Variants in RAP1B observed in about 807,000 individuals in gnomAD.
The protein encoded by RAP1B is RAP1B, member of RAS oncogene family.
Under a neutral mutation model 27.5 loss-of-function variants are expected in RAP1B, and 1 was observed. The ratio of observed to expected loss-of-function variants is 0.04; its 90% CI spans 0.01 to 0.17. The LOEUF (loss-of-function observed/expected upper bound fraction) is 0.17. Ranked by LOEUF, RAP1B falls within the 10% of genes least tolerant of loss-of-function variation. RAP1B has a pLI of 1.00. For missense variants in RAP1B, 84 were observed against 214.8 expected (o/e 0.39, Z 3.81); for synonymous variants, 75 against 73.1 (o/e 1.03, Z -0.13).
intron 3 of RAP1B, chr12:68,650,697 TAAAGCAGACC>T (rs1273427497): frequency 7.1e-6 from 2 of 280,652 alleles, no homozygotes. Context: ...ACATAAACTT[TAAAGCAGACC>T]ATCCATTTCA....
intron 7 of RAP1B, among the ~76,000 whole-genome samples, chr12:68,658,079 A>G (rs4562077): frequency 0.052 from 7,955 of 152,276 alleles, 685 homozygotes; most frequent in African/African-American, 0.18. Flanking sequence ...GCCAATGATA[A>G]TGGTTTCCTC....
intron 6 of RAP1B, chr12:68,656,677 G>A (rs1303853759): frequency 3.5e-6 from 2 of 577,200 alleles, no homozygotes; most frequent in Non-Finnish European, 6.0e-6. Context: ...AGGAAGACTG[G>A]ACAGAAAATA....
intron 1 of RAP1B, 73 bp from the exon 2 acceptor site, chr12:68,648,624 ATG>A (rs1380561451): frequency 2.6e-6 from 3 of 1,155,064 alleles, no homozygotes; most frequent in Non-Finnish European, 3.7e-6. Context: ...ATTTTCCTGA[ATG>A]TTTTATTTCT....
intron 1 of RAP1B, among the ~76,000 whole-genome samples, chr12:68,637,115 A>G (rs2135942269): frequency 6.6e-6 from 1 of 152,340 alleles, no homozygotes; most frequent in African/African-American, 2.4e-5. Context: ...ATTTGCTGGA[A>G]ATGAATTATT....
chr12:68,616,394 C>T (rs1420745075), intron 1 of RAP1B, among the ~76,000 whole-genome samples: 1 of 151,532 alleles, frequency 6.6e-6, no homozygotes, highest in Non-Finnish European at 1.5e-5. Flanking sequence ...AAGCAGTCCT[C>T]CAGTCTAAGC....
chr12:68,628,321 C>T (rs1199115370), intron 1 of RAP1B, among the ~76,000 whole-genome samples: 1 of 152,196 alleles, frequency 6.6e-6, no homozygotes, highest in Non-Finnish European at 1.5e-5. Context: ...ACTGAAGCAT[C>T]TACTGTTAGT....
At chr12:68,618,276 G>C (rs1871163156) in intron 1 of RAP1B, among the ~76,000 whole-genome samples, 1 of 151,496 alleles carries the variant, frequency 6.6e-6, no homozygotes, top group South Asian at 2.1e-4. Flanking sequence ...TTTTCTTAGA[G>C]ACGGGGCTTC....
intron 1 of RAP1B, among the ~76,000 whole-genome samples, chr12:68,629,111 T>C (rs1872046885): frequency 6.6e-6 from 1 of 152,196 alleles, no homozygotes; most frequent in South Asian, 2.1e-4. Flanking sequence ...CTCAGCCTCC[T>C]GAGTAGCTAG....
rs565537163 is a variant in RAP1B at position 68,669,290 on chromosome 12, T to A, written c.*10041T>A. ...GAACAAATACACTGGGAAGATAATATCATAAAAATATCAATTCCCCCAAAT... is the reference window on the plus strand; with the variant it reads ...GAACAAATACACTGGGAAGATAATAACATAAAAATATCAATTCCCCCAAAT... On this transcript the variant is annotated 3_prime_UTR_variant, in exon 8 of 8. Coordinates refer to ENST00000250559, the MANE Select transcript of RAP1B (RefSeq NM_001010942.3). The A allele has an allele frequency of 1.3e-5, 2 of 152,338 alleles. No individual in the cohort carries two copies. The highest frequency in any genetic ancestry group is 3.9e-4 in the East Asian group (2 of 5,190). The allele number at this position is 152,338 out of a possible 1,614,324, so 9.4% of individuals were successfully genotyped here. A position where few individuals can be genotyped will look rare whatever the true frequency, so the allele number is the denominator to read the frequency against.
In RAP1B at chr12:68,616,532, C is replaced by T. The variant is rs564367930; in HGVS notation, c.-27+5489C>T. On this transcript the variant is annotated intron_variant, in intron 1 of 7. Transcript: ENST00000250559. ...TGCAATCTCAGCTCACTGCAACCTC[C>T]GCCTCCAGGTTCAAGCAGATCTCCT... Among the ~76,000 whole-genome samples, 7 of 150,880 alleles carry T rather than the reference C, an allele frequency of 4.6e-5. No individual in the cohort carries two copies. The South Asian group carries it at 1.3e-3, about 27-fold the overall frequency.
chr12:68,658,481 TTAAC>T (rs1183770711), intron 7 of RAP1B, among the ~76,000 whole-genome samples: 2 of 152,210 alleles, frequency 1.3e-5, no homozygotes, highest in Non-Finnish European at 2.9e-5. Context: ...CACATATGTA[TTAAC>T]AACTCTTCTG....
Position 68,662,810 on chromosome 12 carries a change from A to G in RAP1B, c.*3561A>G, listed in dbSNP as rs1352916168. 6.6e-6 allele frequency: 1 copy of G among 152,082 alleles called. No individual in the cohort carries two copies. Among genetic ancestry groups the G allele is most frequent in the Non-Finnish European group, 1.5e-5 (1 of 68,022 alleles). 9.4% of individuals were successfully genotyped at this position (152,082 alleles called of 1,614,324 possible). On this transcript the variant is annotated 3_prime_UTR_variant, in exon 8 of 8. Transcript: ENST00000250559. ...CAAAACAAATCTGACAGCCTGGGCA[A>G]CATAGACCCCATCTCTACAAAAAAA...
In RAP1B at chr12:68,659,705, G is replaced by A. The variant is rs1404374087; in HGVS notation, c.*456G>A. The A allele has an allele frequency of 6.6e-6, 1 of 152,158 alleles. No homozygotes were observed. The highest frequency in any genetic ancestry group is 1.9e-4 in the East Asian group (1 of 5,190). The allele number at this position is 152,158 out of a possible 1,614,324, so 9.4% of individuals were successfully genotyped here. A position where few individuals can be genotyped will look rare whatever the true frequency, so the allele number is the denominator to read the frequency against. On this transcript the variant is annotated 3_prime_UTR_variant, in exon 8 of 8. Transcript: ENST00000250559. ...AGATAACTTCGCTTCTTTGATACTT[G>A]TAGCTTATTGTAATTTTTTTTAAGA...
intron 1 of RAP1B, chr12:68,626,886 C>T (rs922551556): frequency 4.1e-5 from 65 of 1,578,752 alleles, no homozygotes; most frequent in Admixed American, 2.0e-4. Context: ...GTGCAGGGCC[C>T]GCCACTTGTC....
At chr12:68,612,445 T>G (rs1447370756) in intron 1 of RAP1B, among the ~76,000 whole-genome samples, 8 of 152,152 alleles carry the variant, frequency 5.3e-5, no homozygotes, top group African/African-American at 1.9e-4. Context: ...AAGGGACTAT[T>G]TAGATCATCC....
In RAP1B at chr12:68,668,381, C is replaced by T. The variant is rs1457565552; in HGVS notation, c.*9132C>T. ...GGTTTTTTTCTTAGCCCAGTTACTA[C>T]TAAAACTCACTCAGAGGAGCAAGTG... is the stretch of plus-strand genomic sequence containing the variant. On this transcript the variant is annotated 3_prime_UTR_variant, in exon 8 of 8. Coordinates refer to ENST00000250559, the MANE Select transcript of RAP1B (RefSeq NM_001010942.3). 1 of 152,166 alleles carries T rather than the reference C, an allele frequency of 6.6e-6. No individual in the cohort carries two copies. The highest frequency in any genetic ancestry group is 1.5e-5 in the Non-Finnish European group (1 of 68,034). The allele number at this position is 152,166 out of a possible 1,614,324, so 9.4% of individuals were successfully genotyped here.
chr12:68,626,634 C>G lies in RAP1B; in HGVS notation c.-27+15591C>G, dbSNP rs548368959. On this transcript the variant is annotated intron_variant, in intron 1 of 7. Transcript: ENST00000250559. ...GGAGATCTGAGGAATAGCAGACACC[C>G]TTTTCTGTATTAAATTGGGGAAATT... Among the ~76,000 whole-genome samples, 470 of 152,056 alleles carry G rather than the reference C, an allele frequency of 3.1e-3. 1 individual carries two copies. Among genetic ancestry groups the G allele is most frequent in the Non-Finnish European group, 4.6e-3 (314 of 67,986 alleles).
intron 1 of RAP1B, among the ~76,000 whole-genome samples, chr12:68,635,901 C>A (rs895837354): frequency 6.6e-6 from 1 of 151,328 alleles, no homozygotes. Flanking sequence ...TTTTTTGTTA[C>A]GAAGTCTTGC....
At chr12:68,642,700 A>G (rs1043061628) in intron 1 of RAP1B, 3 of 1,140,366 alleles carry the variant, frequency 2.6e-6, no homozygotes, top group African/African-American at 3.0e-5. Context: ...ACTCAGCACA[A>G]GATTTCACAT....
Sources: gnomAD v4.1 joint callset for allele counts (sites outside exome capture counted in the v4.1 genomes callset) on GRCh38, gnomAD v4.1.1 for gene constraint, MANE v1.5 for transcripts, NCBI Gene and HGNC (gene_info 2026-07-23, HGNC 2026-07-21) for gene names.